GTF2A1L: variants seen among roughly 807,000 people sequenced by gnomAD.
GTF2A1L encodes the protein general transcription factor IIA subunit 1 like.
In GTF2A1L, 48 loss-of-function variants were observed where a neutral mutation model predicts 49.7. That is an observed-to-expected ratio of 0.97 (90% CI 0.77 to 1.23). The LOEUF (loss-of-function observed/expected upper bound fraction) is 1.23. Among genes scored for constraint, GTF2A1L ranks in the 50% most tolerant of loss-of-function variants. The pLI is 0.00. For missense variants in GTF2A1L, 736 were observed against 564.8 expected (o/e 1.30, Z -3.07); for synonymous variants, 246 against 193.5 (o/e 1.27, Z -2.25).
intron 4 of GTF2A1L, 73 bp from the exon 5 acceptor site, chr2:48,644,960 C>T: frequency 7.1e-7 from 1 of 1,398,628 alleles, no homozygotes; most frequent in Non-Finnish European, 9.6e-7. Context: ...TTTTGACTCC[C>T]TGTGAGATCA....
chr2:48,676,255 C>T (rs1487932506), intron 8 of GTF2A1L, among the ~76,000 whole-genome samples: 1 of 151,768 alleles, frequency 6.6e-6, no homozygotes, highest in Non-Finnish European at 1.5e-5. Context: ...ATTCATTTAA[C>T]CAATCCTCTA....
chr2:48,669,674 A>G, intron 6 of GTF2A1L, 48 bp from the exon 7 acceptor site: 5 of 1,552,132 alleles, frequency 3.2e-6, no homozygotes, highest in Non-Finnish European at 4.3e-6. Flanking sequence ...TCAATATTTT[A>G]TATACCTTAT....
chr2:48,621,194 A>G lies in GTF2A1L; in HGVS notation c.151A>G (p.Lys51Glu), dbSNP rs924971590. Residue 51 changes from lysine to glutamate, a missense_variant, in exon 3 of 9, where the codon AAA becomes GAA. By Grantham distance (56) the Lys-to-Glu change is moderately conservative. Transcript: ENST00000403751. Reference protein sequence around the residue: ...QLWETKVLQSKATEDFFRNSI... With the variant: ...QLWETKVLQSEATEDFFRNSI... ...CTGGGAAACCAAGGTTTTGCAGTCT[A>G]AAGCAACAGAAGACTTCTTCAGAAA... 5.0e-6 allele frequency: 8 copies of G among 1,613,932 alleles called. No homozygotes were observed. The highest frequency in any genetic ancestry group is 6.8e-6 in the Non-Finnish European group (8 of 1,179,980).
At chr2:48,622,887 T>C (rs948775343) in intron 3 of GTF2A1L, among the ~76,000 whole-genome samples, 4 of 150,336 alleles carry the variant, frequency 2.7e-5, no homozygotes, top group Admixed American at 6.7e-5. Flanking sequence ...TCATTCAAAA[T>C]TGCAATACTA....
At chr2:48,631,014 A>G (rs1227679259) in intron 3 of GTF2A1L, among the ~76,000 whole-genome samples, 3 of 152,066 alleles carry the variant, frequency 2.0e-5, no homozygotes, top group African/African-American at 7.2e-5. Context: ...TGCTGGGTTC[A>G]GTTTGCTAGT....
chr2:48,671,409 G>A (rs184032019), intron 7 of GTF2A1L, among the ~76,000 whole-genome samples, 182 bp from the exon 8 acceptor site: 2 of 151,962 alleles, frequency 1.3e-5, no homozygotes, highest in Admixed American at 1.3e-4. Flanking sequence ...TCACCATGTT[G>A]CCCAAGTAAG....
intron 6 of GTF2A1L, among the ~76,000 whole-genome samples, chr2:48,651,851 C>G (rs1197373999): frequency 6.6e-6 from 1 of 152,166 alleles, no homozygotes; most frequent in Non-Finnish European, 1.5e-5. Context: ...CCCCTCATAA[C>G]AATTTGATCT....
At chr2:48,674,041 C>A (rs577507880) in intron 8 of GTF2A1L, among the ~76,000 whole-genome samples, 1 of 152,068 alleles carries the variant, frequency 6.6e-6, no homozygotes, top group Non-Finnish European at 1.5e-5. Context: ...CCATAGATAC[C>A]TTTTTGCTGC....
chr2:48,667,142 A>G (rs1446699708), intron 6 of GTF2A1L, among the ~76,000 whole-genome samples: 2 of 140,712 alleles, frequency 1.4e-5, no homozygotes, highest in East Asian at 2.1e-4. Context: ...TATTTTTTGT[A>G]GAGATGGGAT....
chr2:48,622,782 T>C (rs1456381221), intron 3 of GTF2A1L, among the ~76,000 whole-genome samples: 1 of 149,674 alleles, frequency 6.7e-6, no homozygotes, highest in Non-Finnish European at 1.5e-5. Context: ...TGTAGTGAGC[T>C]GAGATCGCGC....
intron 3 of GTF2A1L, among the ~76,000 whole-genome samples, chr2:48,634,789 TG>T (rs1676792516): frequency 6.6e-6 from 1 of 152,224 alleles, no homozygotes; most frequent in Non-Finnish European, 1.5e-5. Context: ...GGTTTCCTTT[TG>T]TACAGGATCT....
At chr2:48,677,101 T>C (rs2104328356) in intron 8 of GTF2A1L, among the ~76,000 whole-genome samples, 1 of 152,038 alleles carries the variant, frequency 6.6e-6, no homozygotes, top group South Asian at 2.1e-4. Flanking sequence ...CCTATGCTAC[T>C]CTGATTTAAT....
At chr2:48,618,881 G>C (rs1220687633) in intron 1 of GTF2A1L, among the ~76,000 whole-genome samples, 6 of 152,108 alleles carry the variant, frequency 3.9e-5, no homozygotes, top group Non-Finnish European at 7.4e-5. Flanking sequence ...TTTGATTTCT[G>C]AAAAACTGTG....
chr2:48,641,330 C>T (rs1472700719), intron 3 of GTF2A1L, among the ~76,000 whole-genome samples: 2 of 152,164 alleles, frequency 1.3e-5, no homozygotes, highest in Non-Finnish European at 2.9e-5. Context: ...GCTTCATTAA[C>T]CATCAATCTG....
intron 3 of GTF2A1L, among the ~76,000 whole-genome samples, chr2:48,640,165 A>G (rs1423487165): frequency 6.6e-6 from 1 of 152,222 alleles, no homozygotes. Flanking sequence ...TAAAAGCAGA[A>G]CTGCTATTTG....
intron 6 of GTF2A1L, among the ~76,000 whole-genome samples, chr2:48,654,435 G>A (rs375878894): frequency 6.6e-6 from 1 of 151,992 alleles, no homozygotes; most frequent in Non-Finnish European, 1.5e-5. Flanking sequence ...GTCTCGCTCT[G>A]TCGCCCAGGC....
rs372517755 is a variant in GTF2A1L, at chr2:48,617,882, G to C, written c.8G>C (p.Cys3Ser). The C allele has an allele frequency of 6.4e-7, 1 of 1,551,742 alleles. No individual in the cohort carries two copies. The highest frequency in any genetic ancestry group is 8.7e-7 in the Non-Finnish European group (1 of 1,147,058). Residue 3 changes from cysteine to serine, a missense_variant, in exon 1 of 9, where the codon TGC becomes TCC. Physicochemically the swap from Cys to Ser is moderately radical, Grantham distance 112 (BLOSUM62 -1). Coordinates refer to ENST00000403751, the MANE Select transcript of GTF2A1L (RefSeq NM_006872.5). MA[C>S]LNPVPKLYRS... ...GGTGCTGGAGGTGCTGTCATGGCCT[G>C]CCTCAACCCGGTGGTAAGGAAGACC... is the stretch of plus-strand genomic sequence containing the variant.
At chr2:48,630,802 G>A (rs1054055726) in intron 3 of GTF2A1L, among the ~76,000 whole-genome samples, 3 of 104,544 alleles carry the variant, frequency 2.9e-5, no homozygotes, top group Non-Finnish European at 4.8e-5. Context: ...AGTTTCTTGA[G>A]GGTTTTTCTT....
At chr2:48,662,511 G>T (rs1474814652) in intron 6 of GTF2A1L, among the ~76,000 whole-genome samples, 1 of 152,018 alleles carries the variant, frequency 6.6e-6, no homozygotes, top group East Asian at 1.9e-4. Flanking sequence ...TTAAAGGATG[G>T]TAAGGCAGAG....
Sources: allele counts gnomAD v4.1 joint callset (sites outside exome capture counted in the v4.1 genomes callset), GRCh38; gene constraint gnomAD v4.1.1; transcripts MANE v1.5; gene names NCBI Gene and HGNC (gene_info 2026-07-23, HGNC 2026-07-21).